Variants in SH2D4A observed in about 807,000 individuals in gnomAD.
SH2D4A encodes SH2 domain-containing protein 4A.
A neutral mutation model predicts 64.7 loss-of-function variants in SH2D4A; 70 were observed. The ratio of observed to expected loss-of-function variants is 1.08; its 90% CI spans 0.89 to 1.32. SH2D4A has a LOEUF of 1.32. Ranked by LOEUF, SH2D4A falls within the 40% of genes most tolerant of loss-of-function variation. The pLI, the probability that SH2D4A is intolerant of heterozygous loss-of-function variation, is 0.00. For missense variants in SH2D4A, 706 were observed against 540.1 expected, an observed-to-expected ratio of 1.31 and a Z score of -3.04; for synonymous variants, 268 against 200.7, an observed-to-expected ratio of 1.34 and a Z score of -2.83.
At chr8:19,353,674 G>GTTTTTTTT (rs55989081) in intron 4 of SH2D4A, among the ~76,000 whole-genome samples, 4 of 105,172 alleles carry the variant, frequency 3.8e-5, no homozygotes, top group East Asian at 3.0e-4. Context: ...GCCTCTAGCT[G>GTTTTTTTT]TTTTTTTTTT....
intron 2 of SH2D4A, among the ~76,000 whole-genome samples, chr8:19,324,115 A>G (rs955786802): frequency 2.0e-5 from 3 of 152,232 alleles, no homozygotes; most frequent in South Asian, 2.1e-4. Flanking sequence ...CATCTAAAAC[A>G]TGTGCTCGCG....
chr8:19,355,964 C>T (rs2052785463), intron 4 of SH2D4A, among the ~76,000 whole-genome samples: 1 of 152,204 alleles, frequency 6.6e-6, no homozygotes, highest in South Asian at 2.1e-4. Flanking sequence ...TATTTGTCTT[C>T]AGACAGTCCA....
chr8:19,326,121 C>A (rs1585147283), intron 2 of SH2D4A, among the ~76,000 whole-genome samples: 1 of 152,250 alleles, frequency 6.6e-6, no homozygotes, highest in Admixed American at 6.5e-5. Flanking sequence ...ATCACTCATG[C>A]AGAACGGTTT....
chr8:19,387,486 C>G (rs1020000874), intron 8 of SH2D4A, among the ~76,000 whole-genome samples: 1 of 152,226 alleles, frequency 6.6e-6, no homozygotes, highest in Non-Finnish European at 1.5e-5. Context: ...GTGATCCTCC[C>G]GCGTCAGCCT....
At position 19,319,416 on chromosome 8, in the gene SH2D4A, C is replaced by G; in HGVS notation, c.-132C>G. 2 of 1,307,874 alleles carry G rather than the reference C, an allele frequency of 1.5e-6. No homozygotes were observed. Among genetic ancestry groups the G allele is most frequent in the Non-Finnish European group, 2.0e-6 (2 of 1,025,244 alleles). The allele number at this position is 1,307,874 out of a possible 1,614,324, so 81.0% of individuals were successfully genotyped here. On this transcript the variant is annotated 5_prime_UTR_variant, in exon 2 of 10. Coordinates refer to ENST00000265807, the MANE Select transcript of SH2D4A (RefSeq NM_022071.4). ...TAGCCAGTTTGCTGAATTATTGTCC[C>G]AGTCAGCCAGGATTGTGAGCTGTTT...
At position 19,331,108 on chromosome 8, in the gene SH2D4A, A is replaced by G. The variant is rs143997885; in HGVS notation, c.182-1847A>G. ...TCTGCCCAGCGTCTCTGTTTAGAAC[A>G]TACTGCAGGAGTGTCCACTGTACCA... On this transcript the variant is annotated intron_variant, in intron 2 of 9. Transcript: ENST00000265807. Among the ~76,000 whole-genome samples the G allele has an allele frequency of 5.2e-3, 793 of 152,310 alleles. 3 individuals are homozygous for G. Among genetic ancestry groups the G allele is most frequent in the African/African-American group, 0.018 (767 of 41,574 alleles).
chr8:19,394,797 C>T lies in SH2D4A; in HGVS notation c.*155C>T. On this transcript the variant is annotated 3_prime_UTR_variant, in exon 10 of 10. Transcript: ENST00000265807. ...ATCCATGGAGTCCTCATTGACACCTCTTTTCTGCACAAATACTGGAATTCA... is the reference window on the plus strand; with the variant it reads ...ATCCATGGAGTCCTCATTGACACCTTTTTTCTGCACAAATACTGGAATTCA... The T allele has an allele frequency of 2.3e-6, 1 of 432,998 alleles. No individual in the cohort carries two copies. The highest frequency in any genetic ancestry group is 6.5e-5 in the South Asian group (1 of 15,438). 26.8% of individuals were successfully genotyped at this position (432,998 alleles called of 1,614,324 possible). A position where few individuals can be genotyped will look rare whatever the true frequency, so the allele number is the denominator to read the frequency against.
intron 4 of SH2D4A, among the ~76,000 whole-genome samples, chr8:19,339,141 C>T (rs1585158047): frequency 1.3e-5 from 2 of 152,196 alleles, no homozygotes; most frequent in African/African-American, 4.8e-5. Context: ...GTTCGATGTT[C>T]GAGGTGAGGA....
At chr8:19,374,985 G>T (rs2053168933) in intron 8 of SH2D4A, 1 of 152,140 alleles carries the variant, frequency 6.6e-6, no homozygotes, top group South Asian at 2.1e-4. Context: ...TTTTTTAACA[G>T]CAGGGAGTAA....
chr8:19,328,064 T>C (rs140260691), intron 2 of SH2D4A, among the ~76,000 whole-genome samples: 1 of 152,302 alleles, frequency 6.6e-6, no homozygotes, highest in African/African-American at 2.4e-5. Flanking sequence ...ATCAGAATCC[T>C]CCATGTTTTT....
chr8:19,388,372 G>T (rs2053425994), intron 8 of SH2D4A, among the ~76,000 whole-genome samples: 1 of 152,210 alleles, frequency 6.6e-6, no homozygotes, highest in Admixed American at 6.5e-5. Flanking sequence ...GAACAGTGTG[G>T]TATGCCAGGG....
chr8:19,352,834 T>C (rs1232357205), intron 4 of SH2D4A, among the ~76,000 whole-genome samples: 1 of 151,932 alleles, frequency 6.6e-6, no homozygotes, highest in Non-Finnish European at 1.5e-5. Flanking sequence ...TAGTGAGACC[T>C]TGTCTCTACT....
chr8:19,351,048 C>T lies in SH2D4A; in HGVS notation c.514-6155C>T, dbSNP rs374369746. ...AGTCTACTTGGCCTTAGGAAAATCTCTCCTGTCTCTCTTATTCTTTATAAC... is the reference window on the plus strand; with the variant it reads ...AGTCTACTTGGCCTTAGGAAAATCTTTCCTGTCTCTCTTATTCTTTATAAC... On this transcript the variant is annotated intron_variant, in intron 4 of 9. Transcript: ENST00000265807. Among the ~76,000 whole-genome samples, 41 of 152,300 alleles carry T rather than the reference C, an allele frequency of 2.7e-4. 1 individual carries two copies. The East Asian group carries it at 7.0e-3, about 26-fold the overall frequency.
At chr8:19,361,415 G>A in intron 6 of SH2D4A, 101 bp downstream of exon 6, 4 of 1,200,286 alleles carry the variant, frequency 3.3e-6, no homozygotes, top group Non-Finnish European at 4.4e-6. Context: ...GGGTTGTTGA[G>A]AGATATGTTC....
chr8:19,319,205 T>A (rs185030075), intron 1 of SH2D4A, 139 bp from the exon 2 acceptor site: 1 of 436,414 alleles, frequency 2.3e-6, no homozygotes, highest in Non-Finnish European at 3.1e-6. Context: ...AAAGTGTGCC[T>A]CAGATTTTCT....
intron 8 of SH2D4A, among the ~76,000 whole-genome samples, chr8:19,392,389 T>C (rs2053506972): frequency 6.6e-6 from 1 of 152,178 alleles, no homozygotes; most frequent in African/African-American, 2.4e-5. Context: ...ACTACTGCTA[T>C]CTGGGGCTGG....
chr8:19,328,875 C>T (rs1449282595), intron 2 of SH2D4A, among the ~76,000 whole-genome samples: 2 of 152,232 alleles, frequency 1.3e-5, no homozygotes, highest in African/African-American at 4.8e-5. Flanking sequence ...TATGCATGGT[C>T]TCATAACTTG....
At chr8:19,377,950 T>G (rs2053225254) in intron 8 of SH2D4A, among the ~76,000 whole-genome samples, 1 of 152,214 alleles carries the variant, frequency 6.6e-6, no homozygotes, top group Non-Finnish European at 1.5e-5. Flanking sequence ...AGAATTTGTT[T>G]CCCTATGTAC....
intron 4 of SH2D4A, among the ~76,000 whole-genome samples, chr8:19,356,739 C>G (rs1291499663): frequency 6.6e-6 from 1 of 152,178 alleles, no homozygotes; most frequent in Non-Finnish European, 1.5e-5. Context: ...GGCAGGGAAA[C>G]TGGGCAGGGC....
Sources: gnomAD v4.1 joint callset for allele counts (sites outside exome capture counted in the v4.1 genomes callset) on GRCh38, gnomAD v4.1.1 for gene constraint, MANE v1.5 for transcripts, NCBI Gene and HGNC (gene_info 2026-07-23, HGNC 2026-07-21) for gene names.